Variants in KALRN observed in about 807,000 individuals in gnomAD.
The protein encoded by KALRN is kalirin.
In KALRN, 70 loss-of-function variants were observed where a neutral mutation model predicts 353.7. That is an observed-to-expected ratio of 0.20 (90% CI 0.16 to 0.24). The LOEUF (loss-of-function observed/expected upper bound fraction) is 0.24. Among genes scored for constraint, KALRN ranks in the 10% least tolerant of loss-of-function variants. KALRN has a pLI of 1.00. For synonymous variants in KALRN, 1,391 were observed against 1,434.8 expected (o/e 0.97, Z 0.69); for missense variants, 2,791 against 3,756.7 (o/e 0.74, Z 6.72).
intron 51 of KALRN, among the ~76,000 whole-genome samples, chr3:124,685,784 C>T (rs79134465): frequency 2.0e-5 from 3 of 152,286 alleles, no homozygotes; most frequent in African/African-American, 4.8e-5. Flanking sequence ...TCACTCAGCA[C>T]GCCCTGTCAT....
At chr3:124,474,546 C>T in intron 25 of KALRN, 117 bp from the exon 26 acceptor site, 5 of 763,296 alleles carry the variant, frequency 6.6e-6, no homozygotes, top group African/African-American at 1.7e-5. Flanking sequence ...ATCACTTAGA[C>T]AGTAGAGAAG....
At position 124,466,834 on chromosome 3, in the gene KALRN, T is replaced by C. The variant is rs546760541; in HGVS notation, c.4031+4201T>C. On this transcript the variant is annotated intron_variant, in intron 25 of 59. Coordinates refer to ENST00000682506, the MANE Select transcript of KALRN (RefSeq NM_001388419.1). Reference sequence around the variant, plus strand: ...CTTCTCTCACTCCCTAGACCACCAATGGTGGCTGCCACATCTGGCTGGTTT... The same window carrying C: ...CTTCTCTCACTCCCTAGACCACCAACGGTGGCTGCCACATCTGGCTGGTTT... 1.8e-4 allele frequency among the ~76,000 whole-genome samples: 27 copies of C among 152,308 alleles called. 1 individual carries two copies. The South Asian group carries it at 5.2e-3, about 29-fold the overall frequency.
chr3:124,662,966 CT>C (rs917231765), intron 45 of KALRN, among the ~76,000 whole-genome samples: 52 of 148,610 alleles, frequency 3.5e-4, no homozygotes, highest in Non-Finnish European at 6.1e-4. Context: ...GCCAAGTTTC[CT>C]TTTTTTTTTA....
At chr3:124,596,046 A>C (rs547005479) in intron 34 of KALRN, among the ~76,000 whole-genome samples, 1 of 152,336 alleles carries the variant, frequency 6.6e-6, no homozygotes, top group African/African-American at 2.4e-5. Flanking sequence ...TGATTCTACA[A>C]ATAGAATGAT....
intron 34 of KALRN, among the ~76,000 whole-genome samples, chr3:124,573,517 T>TA (rs2073776081): frequency 6.6e-6 from 1 of 152,182 alleles, no homozygotes; most frequent in Non-Finnish European, 1.5e-5. Context: ...TTCTTTTTTT[T>TA]ACCAGACAGG....
chr3:124,423,040 C>T lies in KALRN; in HGVS notation c.2709+62C>T, dbSNP rs184608693. On this transcript the variant is annotated intron_variant, in intron 15 of 59. Coordinates refer to ENST00000682506, the MANE Select transcript of KALRN (RefSeq NM_001388419.1). ...CAGCCAGCTGAGCCTGACCTGGGAC[C>T]TGCTCCTGGTATGAGGTAAGGCATA... 263 of 1,551,880 alleles carry T rather than the reference C, an allele frequency of 1.7e-4. No individual in the cohort carries two copies. In the African/African-American group the frequency reaches 2.6e-3, roughly 15 times the overall value.
At chr3:124,244,506 G>A (rs1463320193) in intron 3 of KALRN, among the ~76,000 whole-genome samples, 2 of 152,188 alleles carry the variant, frequency 1.3e-5, no homozygotes, top group African/African-American at 4.8e-5. Flanking sequence ...CAAAGTGCTA[G>A]GATTACAGGC....
At chr3:124,342,702 C>T (rs1394997749) in intron 9 of KALRN, among the ~76,000 whole-genome samples, 1 of 152,216 alleles carries the variant, frequency 6.6e-6, no homozygotes, top group Admixed American at 6.5e-5. Context: ...AAAGGCACAT[C>T]TTTCCCAGAA....
In KALRN at chr3:124,197,702, G is replaced by C. The variant is rs187142722; in HGVS notation, c.74-30288G>C. Among the ~76,000 whole-genome samples the C allele has an allele frequency of 7.1e-4, 108 of 152,266 alleles. No homozygotes were observed. The South Asian group carries it at 0.014, about 20-fold the overall frequency. On this transcript the variant is annotated intron_variant, in intron 1 of 59. Transcript: ENST00000682506. ...CCTTTAGCAGGGACGTGACAGGCAG[G>C]GCTTGTCCTCTGCCCTGACCACAGA...
intron 25 of KALRN, among the ~76,000 whole-genome samples, chr3:124,471,614 T>G (rs1445738112): frequency 6.6e-6 from 1 of 152,042 alleles, no homozygotes; most frequent in African/African-American, 2.4e-5. Flanking sequence ...GAATGCTGAT[T>G]CTTTAACTTG....
At chr3:124,266,040 G>T in intron 4 of KALRN, among the ~76,000 whole-genome samples, 1 of 152,238 alleles carries the variant, frequency 6.6e-6, no homozygotes, top group East Asian at 1.9e-4. Flanking sequence ...ACTTGAACCC[G>T]GGAGGCGGAG....
chr3:124,673,258 G>A (rs546069587), intron 48 of KALRN, among the ~76,000 whole-genome samples: 3 of 151,726 alleles, frequency 2.0e-5, no homozygotes, highest in African/African-American at 4.8e-5. Context: ...AGCCAGGCAC[G>A]GTAGCATGCA....
rs2060663657 is a variant in KALRN, at chr3:124,083,813, C to T, written c.73+50000C>T. Among the ~76,000 whole-genome samples the T allele has an allele frequency of 2.6e-5, 4 of 152,196 alleles. No homozygotes were observed. In the South Asian group the frequency reaches 8.3e-4, roughly 32 times the overall value. On this transcript the variant is annotated intron_variant, in intron 1 of 59. Coordinates refer to ENST00000682506, the MANE Select transcript of KALRN (RefSeq NM_001388419.1). ...CGTGCATGGGCCTTGTGGTAACAAT[C>T]AACTTGGAAATTGTCTTGTTAAGAC...
intron 11 of KALRN, among the ~76,000 whole-genome samples, chr3:124,391,098 A>T (rs1279565529): frequency 6.6e-6 from 1 of 152,158 alleles, no homozygotes; most frequent in Non-Finnish European, 1.5e-5. Context: ...GTGTTTCTGT[A>T]AGAAAGAATG....
At chr3:124,088,557 C>T (rs1269699127) in intron 1 of KALRN, among the ~76,000 whole-genome samples, 1 of 152,272 alleles carries the variant, frequency 6.6e-6, no homozygotes, top group East Asian at 1.9e-4. Context: ...AATGCACTAA[C>T]CTTTATGAAG....
At chr3:124,671,554 C>T in intron 47 of KALRN, 106 bp from the exon 48 acceptor site, 1 of 733,740 alleles carries the variant, frequency 1.4e-6, no homozygotes. Flanking sequence ...TAGTGTTTTT[C>T]TCACTTATCC....
intron 33 of KALRN, among the ~76,000 whole-genome samples, chr3:124,537,152 A>G (rs898695181): frequency 1.3e-5 from 2 of 152,130 alleles, no homozygotes; most frequent in Non-Finnish European, 2.9e-5. Context: ...GGCAATTCTC[A>G]TGCCTCAGCC....
chr3:124,511,680 C>T (rs917168364), intron 33 of KALRN, among the ~76,000 whole-genome samples: 2 of 152,210 alleles, frequency 1.3e-5, no homozygotes, highest in Admixed American at 6.5e-5. Flanking sequence ...AACCTCTCCT[C>T]CAATGTGTGT....
chr3:124,251,937 G>C (rs1192819045), intron 3 of KALRN, among the ~76,000 whole-genome samples: 2 of 152,134 alleles, frequency 1.3e-5, no homozygotes, highest in African/African-American at 4.8e-5. Flanking sequence ...TTTTTGTTTT[G>C]TTTTGTTTTT....
Sources: gnomAD v4.1 joint callset for allele counts (sites outside exome capture counted in the v4.1 genomes callset) on GRCh38, gnomAD v4.1.1 for gene constraint, MANE v1.5 for transcripts, NCBI Gene and HGNC (gene_info 2026-07-23, HGNC 2026-07-21) for gene names.